The following SIRT1 variants were observed in gnomAD, a reference collection of about 807,000 sequenced individuals.
SIRT1 encodes sirtuin 1, also known as NAD-dependent protein deacetylase sirtuin-1.
SIRT1 carries 24 observed loss-of-function variants against 67.9 expected under a neutral mutation model. The ratio of observed to expected loss-of-function variants is 0.35; its 90% CI spans 0.26 to 0.50. The LOEUF (loss-of-function observed/expected upper bound fraction) is 0.50, where lower values mean the gene tolerates loss of function less well. Ranked by LOEUF, SIRT1 falls within the 20% of genes least tolerant of loss-of-function variation. The pLI, the probability that SIRT1 is intolerant of heterozygous loss-of-function variation, is 0.98. For missense variants in SIRT1, 873 were observed against 937.2 expected, an observed-to-expected ratio of 0.93 and a Z score of 0.89; for synonymous variants, 378 against 350.7, an observed-to-expected ratio of 1.08 and a Z score of -0.87.
At chr10:67,894,083 T>C (rs1842616437) in intron 4 of SIRT1, among the ~76,000 whole-genome samples, 1 of 152,220 alleles carries the variant, frequency 6.6e-6, no homozygotes, top group Non-Finnish European at 1.5e-5. Flanking sequence ...GAGACCAGCC[T>C]GCGCAACACA....
intron 7 of SIRT1, 26 bp downstream of exon 7, chr10:67,909,468 A>C (rs757386731): frequency 6.4e-7 from 1 of 1,574,438 alleles, no homozygotes; most frequent in African/African-American, 1.4e-5. Flanking sequence ...TTTTTGGAGA[A>C]CATTTCTATA....
intron 4 of SIRT1, among the ~76,000 whole-genome samples, chr10:67,891,793 C>T (rs529214333): frequency 3.9e-5 from 6 of 152,306 alleles, no homozygotes; most frequent in African/African-American, 1.4e-4. Context: ...AAAATTTGCA[C>T]TGCAGCGATG....
At chr10:67,892,598 CTT>C (rs60883216) in intron 4 of SIRT1, among the ~76,000 whole-genome samples, 2 of 145,862 alleles carry the variant, frequency 1.4e-5, no homozygotes, top group Non-Finnish European at 1.5e-5. Context: ...TTGAAGTTTA[CTT>C]TTTTTTTTTT....
In SIRT1 at chr10:67,908,014, TAA is replaced by T. The variant is rs573947269; in HGVS notation, c.1091-31_1091-30del. ...TGTTCAAGAAACAGAAATACTTCTTTAATAAAGCATATATATGTTGTTTGTTT... is the reference window on the plus strand; with the variant it reads ...TGTTCAAGAAACAGAAATACTTCTTTTAAAGCATATATATGTTGTTTGTTT... On this transcript the variant is annotated intron_variant, in intron 5 of 8. Transcript: ENST00000212015. 8 of 1,553,536 alleles carry T rather than the reference TAA, an allele frequency of 5.1e-6. No homozygotes were observed. In the South Asian group the frequency reaches 9.1e-5, roughly 18 times the overall value.
intron 4 of SIRT1, among the ~76,000 whole-genome samples, chr10:67,893,604 G>A (rs1029369446): frequency 6.8e-6 from 1 of 147,798 alleles, no homozygotes; most frequent in Admixed American, 6.8e-5. Flanking sequence ...GTGTAGTGGT[G>A]TGATCTCTGC....
At chr10:67,898,758 C>T (rs1564887491) in intron 4 of SIRT1, among the ~76,000 whole-genome samples, 1 of 152,106 alleles carries the variant, frequency 6.6e-6, no homozygotes, top group Non-Finnish European at 1.5e-5. Flanking sequence ...ATTGCTTGAA[C>T]CAAAGAGTTT....
At chr10:67,889,860 A>G (rs978534168) in intron 3 of SIRT1, among the ~76,000 whole-genome samples, 2 of 151,906 alleles carry the variant, frequency 1.3e-5, no homozygotes, top group Non-Finnish European at 2.9e-5. Context: ...ATTGGAGTCA[A>G]CTCTGGTAAG....
chr10:67,916,481 G>A lies in SIRT1; in HGVS notation c.2132G>A (p.Arg711Lys). 6.2e-7 allele frequency: 1 copy of A among 1,614,158 alleles called. No homozygotes were observed. Among genetic ancestry groups the A allele is most frequent in the East Asian group, 2.2e-5 (1 of 44,872 alleles). ...GAAGATGAGCCTGATGTTCCAGAGA[G>A]AGCTGGAGGAGCTGGATTTGGGACT... ...GLEDEPDVPE[R>K]AGGAGFGTDG... is the part of the protein sequence containing the mutation. The change falls in exon 9 of 9, where the codon AGA becomes AAA. Residue 711 changes from arginine to lysine, a missense_variant. Transcript: ENST00000212015.
At chr10:67,908,023 A>C (rs759309543) in intron 5 of SIRT1, 23 bp from the exon 6 acceptor site, 1 of 1,582,680 alleles carries the variant, frequency 6.3e-7, no homozygotes, top group Non-Finnish European at 8.7e-7. Context: ...TTAATAAAGC[A>C]TATATATGTT....
chr10:67,898,934 T>C (rs1195405778), intron 4 of SIRT1, among the ~76,000 whole-genome samples: 1 of 152,186 alleles, frequency 6.6e-6, no homozygotes, highest in East Asian at 1.9e-4. Context: ...GAATACTTTT[T>C]AATGGTTATT....
chr10:67,912,840 T>A lies in SIRT1; in HGVS notation c.1724T>A (p.Met575Lys), dbSNP rs757828571. The part of the protein sequence containing the change: ...DLDVSESKGC[M>K]EEKPQEVQTS... Reference sequence around the variant, plus strand: ...GATGTGTCTGAATCAAAAGGTTGTATGGAAGAAAAACCACAGGAAGTACAA... The same window carrying A: ...GATGTGTCTGAATCAAAAGGTTGTAAGGAAGAAAAACCACAGGAAGTACAA... The change falls in exon 8 of 9, where the codon ATG becomes AAG. Residue 575 changes from methionine to lysine, a missense_variant. Met to Lys is a moderately conservative substitution (Grantham distance 95, BLOSUM62 -1). Coordinates refer to ENST00000212015, the MANE Select transcript of SIRT1 (RefSeq NM_012238.5). The A allele has an allele frequency of 1.2e-6, 2 of 1,614,062 alleles. No individual in the cohort carries two copies. Among genetic ancestry groups the A allele is most frequent in the South Asian group, 2.2e-5 (2 of 91,068 alleles).
chr10:67,902,778 C>G (rs1423364968), intron 4 of SIRT1, among the ~76,000 whole-genome samples: 1 of 152,160 alleles, frequency 6.6e-6, no homozygotes, highest in African/African-American at 2.4e-5. Flanking sequence ...TTGATGAATT[C>G]TCTAAAAATT....
chr10:67,887,363 C>T lies in SIRT1; in HGVS notation c.431-54C>T, dbSNP rs917330130. ...AATGATTGCTCTATAACCGTTCATA[C>T]ATTTTAGGTGCATGTTGTTTTGATA... On this transcript the variant is annotated intron_variant, in intron 1 of 8. Coordinates refer to ENST00000212015, the MANE Select transcript of SIRT1 (RefSeq NM_012238.5). The T allele has an allele frequency of 5.4e-6, 6 of 1,103,732 alleles. No individual in the cohort carries two copies. In the African/African-American group the frequency reaches 7.7e-5, roughly 14 times the overall value. The allele number at this position is 1,103,732 out of a possible 1,614,324, so 68.4% of individuals were successfully genotyped here.
chr10:67,893,713 T>A (rs1564885230), intron 4 of SIRT1, among the ~76,000 whole-genome samples: 2 of 152,126 alleles, frequency 1.3e-5, no homozygotes, highest in African/African-American at 2.4e-5. Context: ...CCTGGCTAAT[T>A]TTTGTATTTT....
At position 67,884,994 on chromosome 10, in the gene SIRT1, G is replaced by A. The variant is rs1378803687; in HGVS notation, c.273G>A (p.Glu91=). The change falls in exon 1 of 9, where the codon GAG becomes GAA. Residue 91 remains glutamate, a synonymous_variant. Coordinates refer to ENST00000212015, the MANE Select transcript of SIRT1 (RefSeq NM_012238.5). ...AEAAAAGGEQ[E]AQATAAAGEG... Reference sequence around the variant, plus strand: ...CGGCGGCGGCAGGCGGGGAGCAAGAGGCCCAGGCGACTGCGGCGGCTGGGG... The same window carrying A: ...CGGCGGCGGCAGGCGGGGAGCAAGAAGCCCAGGCGACTGCGGCGGCTGGGG... The A allele has an allele frequency of 6.2e-6, 8 of 1,285,146 alleles. No individual in the cohort carries two copies. The African/African-American group carries it at 1.1e-4, about 17-fold the overall frequency. 79.6% of individuals were successfully genotyped at this position (1,285,146 alleles called of 1,614,324 possible).
intron 2 of SIRT1, 125 bp from the exon 3 acceptor site, chr10:67,888,757 C>T: frequency 1.0e-6 from 1 of 989,870 alleles, no homozygotes; most frequent in Non-Finnish European, 1.5e-6. Flanking sequence ...AATGAAATAC[C>T]ATTAAATTGC....
chr10:67,913,187 T>C (rs1410460174), intron 8 of SIRT1, among the ~76,000 whole-genome samples, 156 bp downstream of exon 8: 2 of 152,228 alleles, frequency 1.3e-5, no homozygotes, highest in Non-Finnish European at 2.9e-5. Context: ...GTAAATCTTC[T>C]GGTATCTTAA....
At chr10:67,896,156 C>G (rs1842654766) in intron 4 of SIRT1, among the ~76,000 whole-genome samples, 1 of 152,066 alleles carries the variant, frequency 6.6e-6, no homozygotes, top group Admixed American at 6.6e-5. Context: ...CTGGATTTTT[C>G]TTTTTGTTTC....
intron 4 of SIRT1, among the ~76,000 whole-genome samples, chr10:67,897,360 T>C (rs1018175820): frequency 1.3e-5 from 2 of 149,000 alleles, no homozygotes; most frequent in African/African-American, 2.5e-5. Flanking sequence ...TGATCTCGGC[T>C]CACTTGCAAC....
Sources: gnomAD v4.1 joint callset for allele counts (sites outside exome capture counted in the v4.1 genomes callset) on GRCh38, gnomAD v4.1.1 for gene constraint, MANE v1.5 for transcripts, NCBI Gene and HGNC (gene_info 2026-07-23, HGNC 2026-07-21) for gene names.